CNGB3: variants seen among roughly 807,000 people sequenced by gnomAD.
CNGB3 encodes cyclic nucleotide gated channel subunit beta 3.
In CNGB3, 86 loss-of-function variants were observed where a neutral mutation model predicts 92.8. That is an observed-to-expected ratio of 0.93 (90% CI 0.78 to 1.11). CNGB3 has a LOEUF of 1.11. CNGB3 is among the 50% of genes least tolerant of loss of function. The pLI, the probability that CNGB3 is intolerant of heterozygous loss-of-function variation, is 0.00. For missense variants in CNGB3, 1,026 were observed against 956.8 expected, an observed-to-expected ratio of 1.07 and a Z score of -0.95; for synonymous variants, 333 against 332.7, an observed-to-expected ratio of 1.00 and a Z score of -0.01.
rs11318413 is a variant in CNGB3, at chr8:86,622,375, C to CT, written c.1578+3607dup. 2.1e-3 allele frequency among the ~76,000 whole-genome samples: 280 copies of CT among 131,668 alleles called. 2 individuals carry two copies. The highest frequency in any genetic ancestry group is 5.1e-3 in the East Asian group (23 of 4,486). The allele number at this position is 131,668 out of a possible 152,430, so 86.4% of individuals were successfully genotyped here. Reference sequence around the variant, plus strand: ...CACATTTTCTTTTGGGGCCATTCTTCTTTTTTTTTTTTTTTTTGAAAATGG... The same window carrying CT: ...CACATTTTCTTTTGGGGCCATTCTTCTTTTTTTTTTTTTTTTTTGAAAATGG... On this transcript the variant is annotated intron_variant, in intron 13 of 17. Coordinates refer to ENST00000320005, the MANE Select transcript of CNGB3 (RefSeq NM_019098.5).
At chr8:86,591,082 C>T (rs1023732698) in intron 15 of CNGB3, among the ~76,000 whole-genome samples, 2 of 151,960 alleles carry the variant, frequency 1.3e-5, no homozygotes, top group Non-Finnish European at 2.9e-5. Flanking sequence ...TGCTTCATTT[C>T]ATTCATTTCA....
intron 6 of CNGB3, among the ~76,000 whole-genome samples, chr8:86,664,114 T>C (rs1202695373): frequency 1.3e-5 from 2 of 152,186 alleles, no homozygotes; most frequent in African/African-American, 4.8e-5. Context: ...ATGGTGCTGG[T>C]GATTTAACTA....
chr8:86,682,012 T>TA (rs1824091246), intron 3 of CNGB3, among the ~76,000 whole-genome samples: 2 of 152,156 alleles, frequency 1.3e-5, no homozygotes, highest in Admixed American at 1.3e-4. Context: ...ATGTAAAAGG[T>TA]AAAAATGTTT....
chr8:86,683,003 T>A (rs1824112343), intron 3 of CNGB3, among the ~76,000 whole-genome samples: 1 of 152,164 alleles, frequency 6.6e-6, no homozygotes, highest in African/African-American at 2.4e-5. Flanking sequence ...AGTGCCTGCC[T>A]GGGAAAATTC....
At chr8:86,639,722 T>C (rs1422883201) in intron 10 of CNGB3, among the ~76,000 whole-genome samples, 4 of 152,080 alleles carry the variant, frequency 2.6e-5, no homozygotes, top group Non-Finnish European at 5.9e-5. Context: ...ATAAGTATAC[T>C]AGTAACTGAC....
chr8:86,703,318 G>C (rs1458493463), intron 3 of CNGB3, among the ~76,000 whole-genome samples: 2 of 152,168 alleles, frequency 1.3e-5, no homozygotes, highest in East Asian at 3.8e-4. Context: ...AAAAAAGAGA[G>C]TTTGTCTATT....
intron 7 of CNGB3, among the ~76,000 whole-genome samples, chr8:86,652,508 A>T (rs1451497501): frequency 3.3e-5 from 5 of 151,982 alleles, no homozygotes; most frequent in African/African-American, 9.7e-5. Context: ...AGCTTAAAAC[A>T]CTCATTGTGC....
intron 15 of CNGB3, chr8:86,593,607 A>G: frequency 2.3e-6 from 1 of 433,900 alleles, no homozygotes; most frequent in Non-Finnish European, 4.2e-6. Context: ...AATGGCCATG[A>G]GAGGTGGTGG....
At chr8:86,688,361 C>G (rs1274771384) in intron 3 of CNGB3, among the ~76,000 whole-genome samples, 2 of 151,994 alleles carry the variant, frequency 1.3e-5, no homozygotes, top group East Asian at 1.9e-4. Context: ...TCTTTCCCAT[C>G]ATAAGCCTTA....
chr8:86,737,182 T>A (rs924764873), intron 2 of CNGB3, among the ~76,000 whole-genome samples: 1 of 152,124 alleles, frequency 6.6e-6, no homozygotes, highest in Non-Finnish European at 1.5e-5. Flanking sequence ...AACAGAGGTG[T>A]TTTTCAAAAT....
chr8:86,662,376 C>T (rs1010835360), intron 6 of CNGB3, among the ~76,000 whole-genome samples: 1 of 152,090 alleles, frequency 6.6e-6, no homozygotes, highest in Non-Finnish European at 1.5e-5. Context: ...ATAAGTGAAT[C>T]GAATACTGTC....
chr8:86,591,506 A>G (rs992846467), intron 15 of CNGB3, among the ~76,000 whole-genome samples: 2 of 149,672 alleles, frequency 1.3e-5, no homozygotes, highest in African/African-American at 4.9e-5. Flanking sequence ...GGTGATGTAC[A>G]GATGGGTTTT....
intron 15 of CNGB3, among the ~76,000 whole-genome samples, chr8:86,588,507 T>A (rs1442698357): frequency 6.7e-6 from 1 of 149,804 alleles, no homozygotes; most frequent in Non-Finnish European, 1.5e-5. Context: ...TTTTGAAATA[T>A]GTCCCATCAA....
At position 86,726,879 on chromosome 8, in the gene CNGB3, G is replaced by A. The variant is rs185246119; in HGVS notation, c.212-222C>T. Among the ~76,000 whole-genome samples, 822 of 152,236 alleles carry A rather than the reference G, an allele frequency of 5.4e-3. 33 individuals are homozygous for A. The highest frequency in any genetic ancestry group is 0.051 in the Admixed American group (778 of 15,288). On this transcript the variant is annotated intron_variant, in intron 2 of 17. Transcript: ENST00000320005. ...AAAATACAGTCGTGTGCTATTTAAT[G>A]ACAGAGATATATTCTGAAAAATGCA...
intron 6 of CNGB3, among the ~76,000 whole-genome samples, chr8:86,662,990 A>G (rs527262555): frequency 1.3e-5 from 2 of 152,274 alleles, no homozygotes; most frequent in East Asian, 1.9e-4. Context: ...AGTTAATGCT[A>G]TTAGCAAATT....
intron 3 of CNGB3, among the ~76,000 whole-genome samples, chr8:86,680,227 A>G (rs1173956943): frequency 2.0e-5 from 3 of 152,224 alleles, no homozygotes; most frequent in Non-Finnish European, 2.9e-5. Context: ...TGAAAACTCT[A>G]CAATGCTGGA....
At chr8:86,586,333 TTTA>T (rs974730743) in intron 15 of CNGB3, among the ~76,000 whole-genome samples, 4 of 81,804 alleles carry the variant, frequency 4.9e-5, no homozygotes, top group African/African-American at 1.1e-4. Context: ...AATATTTTTT[TTTA>T]AATTTTTTTT....
At position 86,605,177 on chromosome 8, in the gene CNGB3, C is replaced by A. The variant is rs139787692; in HGVS notation, c.1663-966G>T. On this transcript the variant is annotated intron_variant, in intron 14 of 17. Transcript: ENST00000320005. The stretch of plus-strand genomic sequence containing the variant: ...TTTTCTTGCTATTCTTGCATTTTAT[C>A]CTTTGCTATAATAAATCTTAAGCCA... Among the ~76,000 whole-genome samples, 53 of 152,178 alleles carry A rather than the reference C, an allele frequency of 3.5e-4. 1 individual carries two copies. Among genetic ancestry groups the A allele is most frequent in the African/African-American group, 1.2e-3 (51 of 41,522 alleles).
At chr8:86,676,520 G>C (rs560823293) in intron 3 of CNGB3, among the ~76,000 whole-genome samples, 1 of 152,316 alleles carries the variant, frequency 6.6e-6, no homozygotes, top group East Asian at 1.9e-4. Flanking sequence ...AGAGGGACAT[G>C]ATTAGCTATG....
Sources: allele counts gnomAD v4.1 joint callset (sites outside exome capture counted in the v4.1 genomes callset), GRCh38; gene constraint gnomAD v4.1.1; transcripts MANE v1.5; gene names NCBI Gene and HGNC (gene_info 2026-07-23, HGNC 2026-07-21).